The following LTBP1 variants were observed in gnomAD, a reference collection of about 807,000 sequenced individuals.
LTBP1 encodes the protein latent transforming growth factor beta binding protein 1, also known as latent-transforming growth factor beta-binding protein 1.
Under a neutral mutation model 207.6 loss-of-function variants are expected in LTBP1, and 129 were observed. The observed-to-expected ratio is 0.62, with a 90% CI of 0.54 to 0.72. The LOEUF is 0.72. Ranked by LOEUF, LTBP1 falls within the 30% of genes least tolerant of loss-of-function variation. The pLI is 0.00. For synonymous variants in LTBP1, 963 were observed against 833.7 expected, an observed-to-expected ratio of 1.16 and a Z score of -2.67; for missense variants, 2,281 against 2,217.2, an observed-to-expected ratio of 1.03 and a Z score of -0.58.
At chr2:33,164,087 A>G (rs922083595) in intron 5 of LTBP1, among the ~76,000 whole-genome samples, 3 of 152,052 alleles carry the variant, frequency 2.0e-5, no homozygotes, top group Non-Finnish European at 4.4e-5. Flanking sequence ...GCAGTGGTTC[A>G]TGCCTGTAAT....
At chr2:32,992,681 C>T (rs1246881929) in intron 2 of LTBP1, among the ~76,000 whole-genome samples, 4 of 152,104 alleles carry the variant, frequency 2.6e-5, no homozygotes, top group Non-Finnish European at 4.4e-5. Flanking sequence ...CTAAGGATTC[C>T]AGGACATGTA....
chr2:33,100,944 C>T (rs2079696625), intron 3 of LTBP1, among the ~76,000 whole-genome samples: 1 of 152,122 alleles, frequency 6.6e-6, no homozygotes, highest in Admixed American at 6.5e-5. Flanking sequence ...GTTCTTTGTC[C>T]CAGGACATTT....
intron 5 of LTBP1, among the ~76,000 whole-genome samples, chr2:33,180,828 C>T (rs2086548819): frequency 6.6e-6 from 1 of 152,096 alleles, no homozygotes; most frequent in Non-Finnish European, 1.5e-5. Context: ...TATTTGTTAT[C>T]CTAAAGCAGA....
intron 5 of LTBP1, among the ~76,000 whole-genome samples, chr2:33,153,053 C>T (rs1249878619): frequency 2.6e-5 from 4 of 152,274 alleles, no homozygotes; most frequent in Middle Eastern, 3.4e-3. Flanking sequence ...CATATCTACG[C>T]AGAGAATGCT....
chr2:33,397,282 G>A lies in LTBP1; in HGVS notation c.4984G>A (p.Asp1662Asn), dbSNP rs757379331. 46 of 1,613,788 alleles carry A rather than the reference G, an allele frequency of 2.9e-5. No homozygotes were observed. Among genetic ancestry groups the A allele is most frequent in the Admixed American group, 6.7e-5 (4 of 59,984 alleles). Residue 1662 changes from aspartate to asparagine, a missense_variant and splice_region_variant, in exon 33 of 34, where the codon GAT (aspartate) becomes AAT (asparagine). Physicochemically the swap from Asp to Asn is conservative, Grantham distance 23. This residue lies in a region of LTBP1 where 1,671 missense variants were observed against 1,634.8 expected (regional missense o/e 1.02). Coordinates refer to ENST00000404816, the MANE Select transcript of LTBP1 (RefSeq NM_206943.4). ...GGATACGGCCAAGATGACCTGTGTC[G>A]GTAAGAATGACGTGTGTTTTATGGG... is the stretch of plus-strand genomic sequence containing the variant. ...HLDTAKMTCV[D>N]VNECDELNNR...
At chr2:33,181,423 C>G (rs1175645081) in intron 5 of LTBP1, among the ~76,000 whole-genome samples, 1 of 152,208 alleles carries the variant, frequency 6.6e-6, no homozygotes, top group African/African-American at 2.4e-5. Flanking sequence ...TGGAATACAA[C>G]TGAAACGCCT....
At chr2:33,050,908 AT>A (rs1213596959) in intron 3 of LTBP1, among the ~76,000 whole-genome samples, 1 of 151,886 alleles carries the variant, frequency 6.6e-6, no homozygotes, top group Admixed American at 6.6e-5. Context: ...TAATTTTTAT[AT>A]TTTTAGTAGA....
At chr2:32,957,143 A>C (rs182592540) in intron 2 of LTBP1, among the ~76,000 whole-genome samples, 4 of 152,220 alleles carry the variant, frequency 2.6e-5, no homozygotes, top group African/African-American at 9.6e-5. Flanking sequence ...CTTTGGCTTC[A>C]ACTTAAAGTC....
In LTBP1 at chr2:33,315,192, G is replaced by A; in HGVS notation, c.3653G>A (p.Cys1218Tyr). 1 of 1,613,168 alleles carries A rather than the reference G, an allele frequency of 6.2e-7. No individual in the cohort carries two copies. Among genetic ancestry groups the A allele is most frequent in the Non-Finnish European group, 8.5e-7 (1 of 1,179,560 alleles). Reference protein sequence around the residue: ...HPGLCGPQGECLNTEGSFHCV... With the variant: ...HPGLCGPQGEYLNTEGSFHCV... ...GGGCTCTGTGGTCCGCAAGGGGAGT[G>A]CCTAAACACAGAGGGTTCTTTCCAT... Residue 1218 changes from cysteine to tyrosine, a missense_variant, in exon 24 of 34, where the codon TGC becomes TAC. Cys to Tyr is a radical substitution (Grantham distance 194). Transcript: ENST00000404816.
At chr2:33,131,946 T>A (rs897889217) in intron 4 of LTBP1, among the ~76,000 whole-genome samples, 5 of 152,196 alleles carry the variant, frequency 3.3e-5, no homozygotes, top group Admixed American at 3.3e-4. Context: ...GAAATGGGAA[T>A]AATGATTAAG....
At chr2:33,096,836 A>G (rs571363535) in intron 3 of LTBP1, among the ~76,000 whole-genome samples, 46 of 152,294 alleles carry the variant, frequency 3.0e-4, no homozygotes, top group African/African-American at 1.1e-3. Flanking sequence ...ACTTGAGGCC[A>G]GGAGTTCAAG....
chr2:32,994,469 C>G (rs1684934304), intron 2 of LTBP1, among the ~76,000 whole-genome samples: 1 of 143,400 alleles, frequency 7.0e-6, no homozygotes, highest in Non-Finnish European at 1.5e-5. Flanking sequence ...ATTAGTGAGT[C>G]TTTTTTTTTT....
chr2:33,243,544 C>CT (rs1397340003), intron 9 of LTBP1, 118 bp from the exon 10 acceptor site: 8 of 894,204 alleles, frequency 8.9e-6, no homozygotes, highest in Non-Finnish European at 1.3e-5. Flanking sequence ...CTGCTACATC[C>CT]TTTTTTCACT....
At chr2:33,349,295 G>C (rs140027480) in intron 26 of LTBP1, among the ~76,000 whole-genome samples, 436 of 152,184 alleles carry the variant, frequency 2.9e-3, no homozygotes, top group African/African-American at 1.0e-2. Context: ...ACTAAAAATA[G>C]AAAAATTAGC....
intron 3 of LTBP1, among the ~76,000 whole-genome samples, chr2:33,105,558 T>C (rs1186427756): frequency 6.6e-6 from 1 of 151,938 alleles, no homozygotes; most frequent in Non-Finnish European, 1.5e-5. Context: ...TGCCTCAAGC[T>C]CCCAAGTAGC....
chr2:33,237,446 A>G (rs2092103480), intron 9 of LTBP1, among the ~76,000 whole-genome samples: 1 of 152,208 alleles, frequency 6.6e-6, no homozygotes, highest in African/African-American at 2.4e-5. Flanking sequence ...ATCTCCTAGA[A>G]TAATTTTGAA....
chr2:33,081,068 G>A (rs140049930), intron 3 of LTBP1, among the ~76,000 whole-genome samples: 1 of 152,290 alleles, frequency 6.6e-6, no homozygotes, highest in African/African-American at 2.4e-5. Context: ...GAACTTTTGT[G>A]TGGAAGTATG....
chr2:33,388,671 C>G (rs944450044), intron 31 of LTBP1, among the ~76,000 whole-genome samples: 1 of 152,212 alleles, frequency 6.6e-6, no homozygotes, highest in Admixed American at 6.5e-5. Flanking sequence ...TCCATAGAGA[C>G]TGTAGAGTTA....
intron 5 of LTBP1, among the ~76,000 whole-genome samples, chr2:33,142,910 A>G (rs1340902801): frequency 6.6e-6 from 1 of 152,210 alleles, no homozygotes; most frequent in African/African-American, 2.4e-5. Flanking sequence ...CAAAGTGTGT[A>G]TTCTTTCCTA....
Sources: allele counts gnomAD v4.1 joint callset (sites outside exome capture counted in the v4.1 genomes callset), GRCh38; gene constraint gnomAD v4.1.1; regional missense constraint gnomAD v4.1.1; transcripts MANE v1.5; gene names NCBI Gene and HGNC (gene_info 2026-07-23, HGNC 2026-07-21).